CRYBG1: variants seen among roughly 807,000 people sequenced by gnomAD.
The protein encoded by CRYBG1 is crystallin beta-gamma domain containing 1.
A neutral mutation model predicts 189.2 loss-of-function variants in CRYBG1; 139 were observed. The ratio of observed to expected loss-of-function variants is 0.73; its 90% CI spans 0.64 to 0.85. The LOEUF (loss-of-function observed/expected upper bound fraction) is 0.85, where lower values mean the gene tolerates loss of function less well. Among genes scored for constraint, CRYBG1 ranks in the 40% least tolerant of loss-of-function variants. The pLI is 0.00. For synonymous variants in CRYBG1, 1,023 were observed against 1,017.1 expected (o/e 1.01, Z -0.11); for missense variants, 2,611 against 2,675.8 (o/e 0.98, Z 0.53).
rs1385463157 is a variant in CRYBG1 at position 106,551,704 on chromosome 6, C to A, written c.5313-148C>A. ...TTTGTCCTATAGACAAACCCATCTG[C>A]TTCTAAAGGTTAATGGAGAATCAGA... On this transcript the variant is annotated intron_variant, in intron 13 of 21. Transcript: ENST00000633556. The A allele has an allele frequency of 6.0e-6, 5 of 838,326 alleles. No individual in the cohort carries two copies. The East Asian group carries it at 1.0e-4, about 17-fold the overall frequency. 51.9% of individuals were successfully genotyped at this position (838,326 alleles called of 1,614,324 possible).
chr6:106,433,744 T>TATAC, intron 1 of CRYBG1, among the ~76,000 whole-genome samples: 1 of 19,046 alleles, frequency 5.3e-5, no homozygotes. Context: ...TACATATATA[T>TATAC]GTATATATAT....
At chr6:106,393,018 G>A (rs956274619) in intron 1 of CRYBG1, among the ~76,000 whole-genome samples, 3 of 152,098 alleles carry the variant, frequency 2.0e-5, no homozygotes, top group Admixed American at 6.5e-5. Flanking sequence ...CAAGTGATCC[G>A]CTCACCTTGG....
intron 2 of CRYBG1, among the ~76,000 whole-genome samples, chr6:106,465,534 C>T (rs1772098666): frequency 1.3e-5 from 2 of 152,156 alleles, no homozygotes; most frequent in South Asian, 4.1e-4. Flanking sequence ...CATGTCTTCA[C>T]TCAGAGAAGC....
At chr6:106,483,258 G>A (rs2114482951) in intron 2 of CRYBG1, among the ~76,000 whole-genome samples, 1 of 151,400 alleles carries the variant, frequency 6.6e-6, no homozygotes, top group East Asian at 2.0e-4. Flanking sequence ...ATTTGTCCTG[G>A]CACTTGGCTT....
intron 2 of CRYBG1, among the ~76,000 whole-genome samples, chr6:106,508,049 C>T (rs1251251415): frequency 6.6e-6 from 1 of 152,170 alleles, no homozygotes; most frequent in Non-Finnish European, 1.5e-5. Context: ...GACTTTGATA[C>T]CAGCCTGGGC....
At chr6:106,535,271 T>G (rs533551531) in intron 8 of CRYBG1, among the ~76,000 whole-genome samples, 1 of 152,320 alleles carries the variant, frequency 6.6e-6, no homozygotes, top group Non-Finnish European at 1.5e-5. Flanking sequence ...TGCTGTGTAA[T>G]AGTCACTGTA....
Position 106,511,686 on chromosome 6 carries a change from C to A in CRYBG1, c.569C>A (p.Pro190His), listed in dbSNP as rs1360853985. 5 of 1,535,042 alleles carry A rather than the reference C, an allele frequency of 3.3e-6. No homozygotes were observed. Among genetic ancestry groups the A allele is most frequent in the Non-Finnish European group, 4.4e-6 (5 of 1,146,544 alleles). ...GAGGAGGGCTCCCCGCGGGAGAATC[C>A]CCGAGAGGCAGAGGGCGAGCTCCCC... ...TSEEGSPREN[P>H]REAEGELPES... The change falls in exon 3 of 22, where the codon CCC becomes CAC. Residue 190 changes from proline to histidine, a missense_variant. By Grantham distance (77) the Pro-to-His change is moderately conservative. This residue lies in a region of CRYBG1 where 985 missense variants were observed against 924.4 expected (regional missense o/e 1.07). Coordinates refer to ENST00000633556, the MANE Select transcript of CRYBG1 (RefSeq NM_001371242.2).
intron 1 of CRYBG1, among the ~76,000 whole-genome samples, chr6:106,401,848 A>G (rs1298962998): frequency 6.7e-6 from 1 of 148,580 alleles, no homozygotes; most frequent in Admixed American, 6.7e-5. Flanking sequence ...GCTATTGTGA[A>G]TAGTGCCGCA....
At chr6:106,367,501 C>A (rs1041091021) in intron 1 of CRYBG1, among the ~76,000 whole-genome samples, 1 of 148,712 alleles carries the variant, frequency 6.7e-6, no homozygotes, top group Non-Finnish European at 1.5e-5. Flanking sequence ...GCAGGAGAAT[C>A]ACTTGAACCA....
intron 2 of CRYBG1, among the ~76,000 whole-genome samples, chr6:106,503,275 G>A (rs1404685145): frequency 6.6e-6 from 1 of 152,156 alleles, no homozygotes; most frequent in African/African-American, 2.4e-5. Context: ...GCGCAGACAA[G>A]GCTGAGGGAG....
intron 1 of CRYBG1, among the ~76,000 whole-genome samples, chr6:106,419,517 G>A (rs1267139699): frequency 6.6e-6 from 1 of 152,102 alleles, no homozygotes; most frequent in Admixed American, 6.5e-5. Flanking sequence ...TGAGTAGCTG[G>A]GACTACAGGC....
intron 1 of CRYBG1, among the ~76,000 whole-genome samples, chr6:106,394,330 C>T (rs1027041763): frequency 1.3e-5 from 2 of 152,208 alleles, no homozygotes; most frequent in Non-Finnish European, 2.9e-5. Context: ...GTGTCTTACA[C>T]TCGTGAGTGC....
At chr6:106,365,651 T>G (rs1354381629) in intron 1 of CRYBG1, among the ~76,000 whole-genome samples, 3 of 112,746 alleles carry the variant, frequency 2.7e-5, no homozygotes, top group Non-Finnish European at 6.3e-5. Flanking sequence ...GTGAATTATT[T>G]CCATTGAGTT....
intron 2 of CRYBG1, among the ~76,000 whole-genome samples, chr6:106,463,624 G>T (rs572252223): frequency 6.6e-6 from 1 of 152,236 alleles, no homozygotes; most frequent in Admixed American, 6.5e-5. Context: ...GAATGCTGAA[G>T]TGACAGTTGG....
chr6:106,462,626 A>G (rs1373639588), intron 2 of CRYBG1, among the ~76,000 whole-genome samples: 1 of 152,218 alleles, frequency 6.6e-6, no homozygotes, highest in Non-Finnish European at 1.5e-5. Context: ...TTCTCTCAAA[A>G]GCCACTTTCC....
At chr6:106,461,001 G>C (rs1771999169) in intron 2 of CRYBG1, among the ~76,000 whole-genome samples, 1 of 152,092 alleles carries the variant, frequency 6.6e-6, no homozygotes, top group African/African-American at 2.4e-5. Flanking sequence ...TGGCTAGGCT[G>C]GTCCTGAACT....
chr6:106,487,427 A>G (rs1772616475), intron 2 of CRYBG1, among the ~76,000 whole-genome samples: 1 of 152,052 alleles, frequency 6.6e-6, no homozygotes, highest in Non-Finnish European at 1.5e-5. Flanking sequence ...TTGTTTTCCT[A>G]TTGTAAAATT....
In CRYBG1 at chr6:106,568,709, T is replaced by C; in HGVS notation, c.*143T>C. On this transcript the variant is annotated 3_prime_UTR_variant, in exon 22 of 22. Transcript: ENST00000633556. ...AATTCAACCTTAAATCATGCTGCCA[T>C]GACTCAGAGAACTTACTCATCGTTT... 5.1e-6 allele frequency: 3 copies of C among 590,144 alleles called. No homozygotes were observed. The allele number at this position is 590,144 out of a possible 1,614,324, so 36.6% of individuals were successfully genotyped here.
In CRYBG1 at chr6:106,570,145, C is replaced by G. The variant is rs1775016856; in HGVS notation, c.*1579C>G. On this transcript the variant is annotated 3_prime_UTR_variant, in exon 22 of 22. Transcript: ENST00000633556. ...CTCTTTTTGTCCTCATCACTCAATA[C>G]TGGTGCTCTTGTCACAGGTAGAACA... 1.3e-5 allele frequency: 2 copies of G among 152,258 alleles called. No individual in the cohort carries two copies. Among genetic ancestry groups the G allele is most frequent in the African/African-American group, 4.8e-5 (2 of 41,470 alleles). The allele number at this position is 152,258 out of a possible 1,614,324, so 9.4% of individuals were successfully genotyped here.
Sources: allele counts gnomAD v4.1 joint callset (sites outside exome capture counted in the v4.1 genomes callset), GRCh38; gene constraint gnomAD v4.1.1; regional missense constraint gnomAD v4.1.1; transcripts MANE v1.5; gene names NCBI Gene and HGNC (gene_info 2026-07-23, HGNC 2026-07-21).